STXBP5: variants seen among roughly 807,000 people sequenced by gnomAD.
The protein encoded by STXBP5 is syntaxin binding protein 5.
STXBP5 carries 50 observed loss-of-function variants against 152.4 expected under a neutral mutation model. That is an observed-to-expected ratio of 0.33 (90% confidence interval 0.26 to 0.42). STXBP5 has a LOEUF of 0.42. Ranked by LOEUF, STXBP5 falls within the 10% of genes least tolerant of loss-of-function variation. STXBP5 has a pLI of 1.00. For synonymous variants in STXBP5, 492 were observed against 494.7 expected, an observed-to-expected ratio of 0.99 and a Z score of 0.07; for missense variants, 1,167 against 1,388.6, an observed-to-expected ratio of 0.84 and a Z score of 2.54.
At chr6:147,339,419 C>G in intron 21 of STXBP5, 35 bp downstream of exon 21, 2 of 1,444,388 alleles carry the variant, frequency 1.4e-6, no homozygotes, top group Admixed American at 3.0e-5. Flanking sequence ...GTTTCTAATC[C>G]TTGCTATATG....
intron 1 of STXBP5, among the ~76,000 whole-genome samples, chr6:147,205,341 A>G (rs1379388402): frequency 6.7e-6 from 1 of 148,998 alleles, no homozygotes; most frequent in Non-Finnish European, 1.5e-5. Context: ...ATAGCCATGT[A>G]TTTGTATGTC....
intron 2 of STXBP5, among the ~76,000 whole-genome samples, chr6:147,222,108 C>CT (rs1205144381): frequency 6.6e-6 from 1 of 152,064 alleles, no homozygotes; most frequent in African/African-American, 2.4e-5. Flanking sequence ...TTCTTTTTGA[C>CT]TGGTTCTTAG....
intron 8 of STXBP5, among the ~76,000 whole-genome samples, chr6:147,290,221 A>C (rs1781210343): frequency 6.6e-6 from 1 of 152,220 alleles, no homozygotes; most frequent in Non-Finnish European, 1.5e-5. Context: ...AAAAAAGAAA[A>C]AAAATTTGCT....
intron 8 of STXBP5, among the ~76,000 whole-genome samples, chr6:147,287,288 CG>C (rs1781024600): frequency 6.9e-6 from 1 of 144,936 alleles, no homozygotes; most frequent in Admixed American, 7.0e-5. Context: ...CTGCAAGCTC[CG>C]CCTCCCGGGT....
chr6:147,234,031 A>T (rs1778149479), intron 2 of STXBP5, among the ~76,000 whole-genome samples: 1 of 151,598 alleles, frequency 6.6e-6, no homozygotes, highest in Admixed American at 6.6e-5. Flanking sequence ...TACCATCTAG[A>T]AAATTTCTAG....
chr6:147,221,898 G>A lies in STXBP5; in HGVS notation c.249-13352G>A, dbSNP rs1225899099. Among the ~76,000 whole-genome samples, 9 of 151,606 alleles carry A rather than the reference G, an allele frequency of 5.9e-5. No homozygotes were observed. The East Asian group carries it at 9.7e-4, about 16-fold the overall frequency. On this transcript the variant is annotated intron_variant, in intron 2 of 27. Coordinates refer to ENST00000321680, the MANE Select transcript of STXBP5 (RefSeq NM_001127715.4). ...CTCCTGGTTTTCCTGTTACATGTAC[G>A]CCTTTTGTTGTTGTCTCTCTGTTCT... is the stretch of plus-strand genomic sequence containing the variant.
chr6:147,251,706 G>A (rs2115284133), intron 4 of STXBP5, among the ~76,000 whole-genome samples: 1 of 152,366 alleles, frequency 6.6e-6, no homozygotes, highest in South Asian at 2.1e-4. Flanking sequence ...TCTGAAGAGA[G>A]CAGCAGATCT....
At chr6:147,237,391 C>G (rs1778331427) in intron 3 of STXBP5, among the ~76,000 whole-genome samples, 1 of 151,542 alleles carries the variant, frequency 6.6e-6, no homozygotes, top group South Asian at 2.1e-4. Flanking sequence ...AAACTATATA[C>G]TGTATAGGTG....
At chr6:147,339,937 A>C (rs1409811439) in intron 21 of STXBP5, among the ~76,000 whole-genome samples, 1 of 151,970 alleles carries the variant, frequency 6.6e-6, no homozygotes, top group East Asian at 1.9e-4. Flanking sequence ...TGTTGAGATG[A>C]ATTGCTCAGT....
intron 23 of STXBP5, among the ~76,000 whole-genome samples, chr6:147,360,211 A>G (rs978173962): frequency 1.3e-5 from 2 of 152,120 alleles, no homozygotes; most frequent in Admixed American, 6.5e-5. Flanking sequence ...ACTGTAAACT[A>G]GTTCAACCAT....
chr6:147,291,769 G>C (rs1288709729), intron 9 of STXBP5, among the ~76,000 whole-genome samples: 1 of 152,034 alleles, frequency 6.6e-6, no homozygotes, highest in Non-Finnish European at 1.5e-5. Flanking sequence ...TAAAATATCT[G>C]TGAAGATTCC....
intron 23 of STXBP5, among the ~76,000 whole-genome samples, chr6:147,360,666 G>A (rs1404107672): frequency 6.6e-6 from 1 of 152,156 alleles, no homozygotes; most frequent in Non-Finnish European, 1.5e-5. Context: ...TGTGAAACCT[G>A]AGATTATTTT....
intron 8 of STXBP5, among the ~76,000 whole-genome samples, chr6:147,279,722 G>A (rs572990142): frequency 1.3e-5 from 2 of 152,218 alleles, no homozygotes; most frequent in East Asian, 1.9e-4. Flanking sequence ...TTTTCTTAAT[G>A]TATTTTGTTC....
intron 2 of STXBP5, among the ~76,000 whole-genome samples, chr6:147,214,501 G>A (rs1052213646): frequency 1.3e-5 from 2 of 152,090 alleles, no homozygotes; most frequent in African/African-American, 4.8e-5. Context: ...TGTTTAGTGA[G>A]TCCTTAAGTC....
At chr6:147,267,877 T>C (rs1779971814) in intron 7 of STXBP5, among the ~76,000 whole-genome samples, 1 of 152,148 alleles carries the variant, frequency 6.6e-6, no homozygotes, top group African/African-American at 2.4e-5. Context: ...GATCTGTTAC[T>C]GTATAGTAGT....
intron 26 of STXBP5, among the ~76,000 whole-genome samples, chr6:147,379,406 A>T (rs999526243): frequency 6.6e-6 from 1 of 152,156 alleles, no homozygotes; most frequent in Non-Finnish European, 1.5e-5. Context: ...ATTTGTTGAG[A>T]GAAGTTAAAG....
intron 8 of STXBP5, among the ~76,000 whole-genome samples, chr6:147,285,282 C>T (rs1780904382): frequency 6.6e-6 from 1 of 152,104 alleles, no homozygotes. Flanking sequence ...TAAAATGACA[C>T]CTAGTGGTGA....
intron 22 of STXBP5, among the ~76,000 whole-genome samples, chr6:147,355,806 T>C (rs986917136): frequency 3.3e-5 from 5 of 152,194 alleles, no homozygotes; most frequent in African/African-American, 1.2e-4. Context: ...GTGTTAGTTA[T>C]TTTCACTTCT....
intron 8 of STXBP5, among the ~76,000 whole-genome samples, chr6:147,281,720 A>C (rs1158145199): frequency 6.6e-6 from 1 of 152,222 alleles, no homozygotes; most frequent in Non-Finnish European, 1.5e-5. Context: ...GTCTCCTACC[A>C]GTACTTTACG....
Sources: allele counts gnomAD v4.1 joint callset (sites outside exome capture counted in the v4.1 genomes callset), GRCh38; gene constraint gnomAD v4.1.1; transcripts MANE v1.5; gene names NCBI Gene and HGNC (gene_info 2026-07-23, HGNC 2026-07-21).